The following DCC variants were observed in gnomAD, a reference collection of about 807,000 sequenced individuals.
The protein encoded by DCC is DCC netrin 1 receptor.
DCC carries 58 observed loss-of-function variants against 172.5 expected under a neutral mutation model. The ratio of observed to expected loss-of-function variants is 0.34; its 90% confidence interval spans 0.27 to 0.42. DCC has a LOEUF of 0.42. Among genes scored for constraint, DCC ranks in the 10% least tolerant of loss-of-function variants. DCC has a pLI of 1.00. For missense variants in DCC, 1,740 were observed against 1,791.0 expected, an observed-to-expected ratio of 0.97 and a Z score of 0.51; for synonymous variants, 709 against 644.5, an observed-to-expected ratio of 1.10 and a Z score of -1.52.
intron 1 of DCC, among the ~76,000 whole-genome samples, chr18:52,370,566 G>C (rs1985075405): frequency 6.6e-6 from 1 of 152,124 alleles, no homozygotes; most frequent in East Asian, 1.9e-4. Flanking sequence ...CCTGTCAGGG[G>C]TGTGGGGGCA....
intron 7 of DCC, among the ~76,000 whole-genome samples, chr18:53,086,873 T>C (rs1483853847): frequency 6.7e-6 from 1 of 150,360 alleles, no homozygotes; most frequent in Non-Finnish European, 1.5e-5. Context: ...GTTCTTGCAA[T>C]AGTTTACTGA....
chr18:53,191,803 T>A (rs1381726571), intron 9 of DCC, among the ~76,000 whole-genome samples: 1 of 148,894 alleles, frequency 6.7e-6, no homozygotes, highest in African/African-American at 2.4e-5. Context: ...GAGTCAGTCA[T>A]TTTTTTTTTC....
intron 1 of DCC, among the ~76,000 whole-genome samples, chr18:52,643,362 C>T (rs2034949411): frequency 6.6e-6 from 1 of 152,276 alleles, no homozygotes; most frequent in African/African-American, 2.4e-5. Context: ...ACCATGCTTA[C>T]ATTCTCCCTG....
At chr18:53,244,752 T>G (rs2044054838) in intron 12 of DCC, among the ~76,000 whole-genome samples, 1 of 152,026 alleles carries the variant, frequency 6.6e-6, no homozygotes, top group South Asian at 2.1e-4. Context: ...AAAGCTATGG[T>G]TCATTGGGGT....
At chr18:52,775,600 C>G (rs2037415982) in intron 2 of DCC, among the ~76,000 whole-genome samples, 1 of 152,158 alleles carries the variant, frequency 6.6e-6, no homozygotes, top group East Asian at 1.9e-4. Context: ...CTCCAACTGC[C>G]GGGTCAAACT....
chr18:53,402,112 A>T (rs1909332654), intron 18 of DCC, among the ~76,000 whole-genome samples: 1 of 152,214 alleles, frequency 6.6e-6, no homozygotes, highest in Admixed American at 6.5e-5. Context: ...TTTGGCTTTT[A>T]AGGAAGTATA....
intron 2 of DCC, among the ~76,000 whole-genome samples, chr18:52,766,811 G>A (rs2037259868): frequency 6.6e-6 from 1 of 152,016 alleles, no homozygotes; most frequent in South Asian, 2.1e-4. Flanking sequence ...CTTTTAGGTG[G>A]TGATTTCAGG....
intron 1 of DCC, among the ~76,000 whole-genome samples, chr18:52,646,308 TTAC>T (rs564753708): frequency 1.6e-3 from 237 of 152,336 alleles, no homozygotes; most frequent in African/African-American, 5.5e-3. Context: ...AAAAACATGC[TTAC>T]AAGAGAACAT....
At chr18:52,433,313 C>T (rs1003664207) in intron 1 of DCC, among the ~76,000 whole-genome samples, 5 of 152,124 alleles carry the variant, frequency 3.3e-5, no homozygotes, top group Non-Finnish European at 7.3e-5. Context: ...TTACAGTACT[C>T]ACATTGCTTT....
intron 1 of DCC, among the ~76,000 whole-genome samples, chr18:52,688,930 G>A (rs1437831066): frequency 6.6e-6 from 1 of 151,968 alleles, no homozygotes; most frequent in African/African-American, 2.4e-5. Context: ...TAAATCCTAA[G>A]TACAGAAAAG....
chr18:52,656,092 GTA>G (rs200385707), intron 1 of DCC, among the ~76,000 whole-genome samples: 328 of 135,638 alleles, frequency 2.4e-3, no homozygotes, highest in African/African-American at 8.7e-3. Flanking sequence ...GTGTGTGTGT[GTA>G]TATATATATA....
intron 1 of DCC, among the ~76,000 whole-genome samples, chr18:52,543,576 A>T (rs995941292): frequency 1.3e-5 from 2 of 152,240 alleles, no homozygotes; most frequent in African/African-American, 4.8e-5. Context: ...CTGTGTGGTC[A>T]AGAAACAGAT....
intron 7 of DCC, among the ~76,000 whole-genome samples, chr18:53,067,404 T>C (rs1412085652): frequency 6.6e-6 from 1 of 151,984 alleles, no homozygotes; most frequent in Non-Finnish European, 1.5e-5. Context: ...CCACCTGTAG[T>C]CCAGCTACTT....
chr18:52,817,904 G>A (rs747294980), intron 2 of DCC, among the ~76,000 whole-genome samples: 1 of 152,142 alleles, frequency 6.6e-6, no homozygotes, highest in Non-Finnish European at 1.5e-5. Flanking sequence ...GGTAAAGCCA[G>A]CTTGTGGAAT....
intron 1 of DCC, among the ~76,000 whole-genome samples, chr18:52,543,591 G>T (rs1408976360): frequency 6.6e-6 from 1 of 152,172 alleles, no homozygotes; most frequent in Non-Finnish European, 1.5e-5. Flanking sequence ...ACAGATTTGG[G>T]CTGATGGGAT....
At chr18:52,659,963 G>T (rs770953486) in intron 1 of DCC, among the ~76,000 whole-genome samples, 1 of 152,112 alleles carries the variant, frequency 6.6e-6, no homozygotes, top group Non-Finnish European at 1.5e-5. Context: ...GAAACCCAAT[G>T]ATTAAGTGAT....
intron 5 of DCC, among the ~76,000 whole-genome samples, chr18:53,052,423 C>T (rs747395407): frequency 3.2e-4 from 48 of 151,864 alleles, no homozygotes; most frequent in Non-Finnish European, 5.0e-4. Flanking sequence ...CACTCTTTTG[C>T]ATTATTGTTG....
At chr18:52,455,577 G>A (rs559429362) in intron 1 of DCC, among the ~76,000 whole-genome samples, 8 of 152,306 alleles carry the variant, frequency 5.3e-5, no homozygotes, top group African/African-American at 1.4e-4. Context: ...AATTCTATGT[G>A]TTATGGCAAG....
At chr18:52,515,995 T>G (rs898089352) in intron 1 of DCC, among the ~76,000 whole-genome samples, 4 of 146,298 alleles carry the variant, frequency 2.7e-5, no homozygotes, top group South Asian at 2.2e-4. Context: ...AGTAAACACA[T>G]GAAAGATTTT....
Sources: gnomAD v4.1 joint callset for allele counts (sites outside exome capture counted in the v4.1 genomes callset) on GRCh38, gnomAD v4.1.1 for gene constraint, MANE v1.5 for transcripts, NCBI Gene and HGNC (gene_info 2026-07-23, HGNC 2026-07-21) for gene names.